TRPC4AP: variants seen among roughly 807,000 people sequenced by gnomAD.
The protein encoded by TRPC4AP is transient receptor potential cation channel subfamily C member 4 associated protein, also known as short transient receptor potential channel 4-associated protein.
TRPC4AP carries 45 observed loss-of-function variants against 99.0 expected under a neutral mutation model. The observed-to-expected ratio is 0.45, with a 90% CI of 0.36 to 0.58. The LOEUF (loss-of-function observed/expected upper bound fraction) is 0.58. TRPC4AP is among the 20% of genes least tolerant of loss of function. The pLI is 0.00. For missense variants in TRPC4AP, 879 were observed against 985.3 expected (o/e 0.89, Z 1.44); for synonymous variants, 408 against 385.8 (o/e 1.06, Z -0.67).
chr20:35,089,940 CA>C (rs1277916644), intron 1 of TRPC4AP, among the ~76,000 whole-genome samples: 1 of 151,680 alleles, frequency 6.6e-6, no homozygotes, highest in Non-Finnish European at 1.5e-5. Context: ...GGCAACAGAG[CA>C]AAACCCTGTC....
intron 8 of TRPC4AP, among the ~76,000 whole-genome samples, chr20:35,023,757 G>T (rs924942918): frequency 1.3e-5 from 2 of 152,208 alleles, no homozygotes; most frequent in South Asian, 2.1e-4. Flanking sequence ...CCAGCCCATG[G>T]TGCTCTAGGG....
intron 8 of TRPC4AP, among the ~76,000 whole-genome samples, chr20:35,028,343 C>T (rs1424747284): frequency 6.6e-6 from 1 of 151,990 alleles, no homozygotes; most frequent in South Asian, 2.1e-4. Context: ...CCCGCCTCCT[C>T]GGCCTCCCAA....
chr20:35,016,631 GAA>G (rs1370455916), intron 9 of TRPC4AP, among the ~76,000 whole-genome samples: 1 of 150,176 alleles, frequency 6.7e-6, no homozygotes, highest in African/African-American at 2.4e-5. Flanking sequence ...TCTCTGCAAA[GAA>G]AAAAAAATGA....
chr20:35,012,941 A>T (rs1440557915), intron 11 of TRPC4AP, 67 bp downstream of exon 11: 7 of 1,540,922 alleles, frequency 4.5e-6, no homozygotes, highest in Non-Finnish European at 6.3e-6. Flanking sequence ...CAGGGACCAG[A>T]CAAGGAGATC....
At chr20:35,044,159 G>C (rs2083502042) in intron 7 of TRPC4AP, among the ~76,000 whole-genome samples, 2 of 152,004 alleles carry the variant, frequency 1.3e-5, no homozygotes, top group Non-Finnish European at 1.5e-5. Context: ...GGGAAGATGA[G>C]GTGGGTGGAT....
At chr20:35,021,450 C>T in intron 8 of TRPC4AP, 94 bp from the exon 9 acceptor site, 2 of 1,413,412 alleles carry the variant, frequency 1.4e-6, no homozygotes, top group African/African-American at 2.8e-5. Context: ...TGTAGCATGG[C>T]CATTCGGCTG....
rs780321045 is a variant in TRPC4AP, at chr20:35,069,418, T to C, written c.298-6A>G. 1 of 1,571,098 alleles carries C rather than the reference T, an allele frequency of 6.4e-7. No homozygotes were observed. Among genetic ancestry groups the C allele is most frequent in the Non-Finnish European group, 8.7e-7 (1 of 1,145,868 alleles). On this transcript the variant is annotated splice_polypyrimidine_tract_variant and splice_region_variant and intron_variant, in intron 2 of 18. Transcript: ENST00000252015. ...GAGAGAAGAGGAGAAATTTCCTAGT[T>C]TTTTTAAAAAAAAGTACATACATTG... is the stretch of plus-strand genomic sequence containing the variant.
At chr20:35,065,828 T>C (rs2084129741) in intron 3 of TRPC4AP, among the ~76,000 whole-genome samples, 1 of 152,198 alleles carries the variant, frequency 6.6e-6, no homozygotes, top group Non-Finnish European at 1.5e-5. Context: ...CCTACATTAT[T>C]ATTTTTCCTC....
At chr20:35,089,505 T>C (rs2146052595) in intron 1 of TRPC4AP, among the ~76,000 whole-genome samples, 1 of 151,944 alleles carries the variant, frequency 6.6e-6, no homozygotes, top group Admixed American at 6.6e-5. Flanking sequence ...GTGCTGGGAT[T>C]ACACACATGA....
At chr20:35,012,972 C>T (rs1284699258) in intron 11 of TRPC4AP, 36 bp downstream of exon 11, 1 of 1,611,870 alleles carries the variant, frequency 6.2e-7, no homozygotes, top group Non-Finnish European at 8.5e-7. Flanking sequence ...GAAGACAGCC[C>T]AACAACTCTC....
chr20:35,081,080 G>A (rs965205982), intron 1 of TRPC4AP, among the ~76,000 whole-genome samples: 5 of 151,774 alleles, frequency 3.3e-5, no homozygotes, highest in African/African-American at 9.7e-5. Flanking sequence ...AGTTGTTTAA[G>A]AAATATTTAA....
chr20:35,065,813 A>G (rs2084129426), intron 3 of TRPC4AP, among the ~76,000 whole-genome samples: 2 of 152,342 alleles, frequency 1.3e-5, no homozygotes, highest in South Asian at 4.1e-4. Flanking sequence ...GACACAGGCT[A>G]CAGACCTACA....
intron 12 of TRPC4AP, among the ~76,000 whole-genome samples, chr20:35,009,196 G>A (rs1448113217): frequency 6.6e-6 from 1 of 152,214 alleles, no homozygotes; most frequent in Non-Finnish European, 1.5e-5. Flanking sequence ...GCAAAGGCAG[G>A]AGATGAGGAA....
chr20:35,004,195 G>C (rs930391358), intron 17 of TRPC4AP, among the ~76,000 whole-genome samples: 1 of 152,238 alleles, frequency 6.6e-6, no homozygotes, highest in African/African-American at 2.4e-5. Flanking sequence ...CAGGGCAGAA[G>C]GTGTGAGGGA....
chr20:35,062,873 G>A (rs1431277738), intron 3 of TRPC4AP, among the ~76,000 whole-genome samples: 1 of 152,158 alleles, frequency 6.6e-6, no homozygotes, highest in Non-Finnish European at 1.5e-5. Context: ...TCTCAATAAA[G>A]CTATTATTTA....
chr20:35,022,160 CCTTT>C (rs1318524617), intron 8 of TRPC4AP, among the ~76,000 whole-genome samples: 1 of 152,082 alleles, frequency 6.6e-6, no homozygotes, highest in Non-Finnish European at 1.5e-5. Flanking sequence ...ACTCCTAGAT[CCTTT>C]CTTTACTTAT....
intron 10 of TRPC4AP, among the ~76,000 whole-genome samples, chr20:35,014,624 CAG>C (rs967526851): frequency 2.0e-5 from 3 of 152,166 alleles, no homozygotes; most frequent in African/African-American, 7.2e-5. Context: ...TTGAGCCAGA[CAG>C]AACATCTAGA....
At chr20:35,024,497 T>C (rs574516200) in intron 8 of TRPC4AP, among the ~76,000 whole-genome samples, 1 of 152,296 alleles carries the variant, frequency 6.6e-6, no homozygotes, top group Admixed American at 6.5e-5. Flanking sequence ...CAGCATTCCC[T>C]TTTATTGCTG....
At chr20:35,048,336 C>T (rs1818689315) in intron 6 of TRPC4AP, among the ~76,000 whole-genome samples, 1 of 151,702 alleles carries the variant, frequency 6.6e-6, no homozygotes. Context: ...CTTAGCCTCC[C>T]AAGTAGCTGG....
Sources: gnomAD v4.1 joint callset for allele counts (sites outside exome capture counted in the v4.1 genomes callset) on GRCh38, gnomAD v4.1.1 for gene constraint, MANE v1.5 for transcripts, NCBI Gene and HGNC (gene_info 2026-07-23, HGNC 2026-07-21) for gene names.